Variants in MSMB observed in about 807,000 individuals in gnomAD.
MSMB encodes microseminoprotein beta, also known as beta-microseminoprotein.
MSMB carries 10 observed loss-of-function variants against 10.5 expected under a neutral mutation model. That is an observed-to-expected ratio of 0.95 (90% CI 0.59 to 1.62). The LOEUF (loss-of-function observed/expected upper bound fraction) is 1.62. MSMB is among the 40% of genes most tolerant of loss of function. MSMB has a pLI of 0.00. For missense variants in MSMB, 126 were observed against 137.4 expected, an observed-to-expected ratio of 0.92 and a Z score of 0.42; for synonymous variants, 43 against 46.5, an observed-to-expected ratio of 0.93 and a Z score of 0.30.
At chr10:46,043,750 C>T (rs1840807450) in intron 1 of MSMB, among the ~76,000 whole-genome samples, 1 of 152,144 alleles carries the variant, frequency 6.6e-6, no homozygotes, top group African/African-American at 2.4e-5. Flanking sequence ...TCTTGGCTCA[C>T]TGCAACCTCC....
In MSMB at chr10:46,046,262, A is replaced by AC; in HGVS notation, c.-26dup. On this transcript the variant is annotated 5_prime_UTR_variant, in exon 1 of 4. Coordinates refer to ENST00000582163, the MANE Select transcript of MSMB (RefSeq NM_002443.4). ...TTGTGATAAGCAGGACTCCTTATAG[A>AC]CAGGTACATCCAGGCAAAGCTGCAT... is the stretch of plus-strand genomic sequence containing the variant. 1 of 1,611,828 alleles carries AC rather than the reference A, an allele frequency of 6.2e-7. No homozygotes were observed. The highest frequency in any genetic ancestry group is 8.5e-7 in the Non-Finnish European group (1 of 1,177,910).
chr10:46,045,389 G>A (rs192291114), intron 1 of MSMB, among the ~76,000 whole-genome samples: 9 of 151,966 alleles, frequency 5.9e-5, no homozygotes, highest in African/African-American at 1.9e-4. Context: ...AAAATTAGTC[G>A]GGCATGGTGG....
At chr10:46,043,229 T>C (rs1840792961) in intron 1 of MSMB, among the ~76,000 whole-genome samples, 1 of 152,096 alleles carries the variant, frequency 6.6e-6, no homozygotes, top group Non-Finnish European at 1.5e-5. Context: ...CAGGGCTGCA[T>C]CCCAGGACAA....
At chr10:46,034,751 G>C (rs1210817898) in intron 3 of MSMB, among the ~76,000 whole-genome samples, 3 of 151,696 alleles carry the variant, frequency 2.0e-5, no homozygotes, top group Admixed American at 1.3e-4. Context: ...CGTGAACCCA[G>C]GAGGCGGAGC....
At chr10:46,036,635 T>C (rs547476460) in intron 3 of MSMB, among the ~76,000 whole-genome samples, 150 of 152,258 alleles carry the variant, frequency 9.9e-4, no homozygotes, top group African/African-American at 3.2e-3. Flanking sequence ...TGACTCAGGG[T>C]CACACAGCTA....
chr10:46,043,949 A>G (rs1214991973), intron 1 of MSMB, among the ~76,000 whole-genome samples: 1 of 151,976 alleles, frequency 6.6e-6, no homozygotes, highest in Non-Finnish European at 1.5e-5. Flanking sequence ...TGCTGGGATT[A>G]TGGGCGTGAG....
intron 3 of MSMB, among the ~76,000 whole-genome samples, chr10:46,036,223 C>T (rs1227694600): frequency 6.6e-6 from 1 of 152,196 alleles, no homozygotes; most frequent in African/African-American, 2.4e-5. Flanking sequence ...CCACTGCCAC[C>T]GAGCACCTTG....
chr10:46,040,420 C>T lies in MSMB; in HGVS notation c.4-329G>A, dbSNP rs535492523. Among the ~76,000 whole-genome samples the T allele has an allele frequency of 2.0e-5, 3 of 152,250 alleles. No homozygotes were observed. In the South Asian group the frequency reaches 6.2e-4, roughly 32 times the overall value. On this transcript the variant is annotated intron_variant, in intron 1 of 3. Transcript: ENST00000582163. ...GCTGCACTGGGCCCAACAGACCAAA[C>T]CAAAATGCAGTCGCCCATGCTGAAG...
chr10:46,045,879 T>C (rs1840885445), intron 1 of MSMB, among the ~76,000 whole-genome samples: 1 of 152,180 alleles, frequency 6.6e-6, no homozygotes, highest in African/African-American at 2.4e-5. Context: ...CCAGGCTCAG[T>C]TCCCTCATCT....
chr10:46,039,055 T>C lies in MSMB; in HGVS notation c.126A>G (p.Lys42=). The stretch of plus-strand genomic sequence containing the variant: ...CCGAGTTTATTGGGTGTTTGTTTCC[T>C]TTGAGATCCATGCATTCTAAAATAA... ...GDSTRKCMDL[K]GNKHPINSEW... is the part of the protein sequence containing the mutation. The change falls in exon 3 of 4, where the codon AAA becomes AAG. Residue 42 remains lysine (K), a synonymous_variant. Transcript: ENST00000582163. 1 of 1,614,036 alleles carries C rather than the reference T, an allele frequency of 6.2e-7. No individual in the cohort carries two copies.
At chr10:46,046,166 G>T in intron 1 of MSMB, 69 bp downstream of exon 1, 1 of 1,459,266 alleles carries the variant, frequency 6.9e-7, no homozygotes, top group Admixed American at 1.7e-5. Context: ...AGAAGCACAC[G>T]CATATTAAAA....
intron 2 of MSMB, 91 bp from the exon 3 acceptor site, chr10:46,039,162 C>A (rs1840686018): frequency 2.8e-6 from 3 of 1,083,446 alleles, no homozygotes; most frequent in Non-Finnish European, 4.2e-6. Flanking sequence ...CTATCTACAC[C>A]CCTCCCAGAG....
At chr10:46,038,846 G>A in intron 3 of MSMB, 120 bp downstream of exon 3, 1 of 797,670 alleles carries the variant, frequency 1.3e-6, no homozygotes, top group Non-Finnish European at 2.0e-6. Flanking sequence ...TCTATATAAA[G>A]TCTATAAAAA....
intron 3 of MSMB, among the ~76,000 whole-genome samples, chr10:46,037,609 C>T (rs1840639544): frequency 6.6e-6 from 1 of 152,122 alleles, no homozygotes; most frequent in Admixed American, 6.6e-5. Flanking sequence ...AGCAGTGAAG[C>T]AGCATAAGTT....
intron 3 of MSMB, among the ~76,000 whole-genome samples, chr10:46,038,752 G>A (rs1840672758): frequency 6.6e-6 from 1 of 152,162 alleles, no homozygotes; most frequent in Non-Finnish European, 1.5e-5. Flanking sequence ...TGTTGATAAC[G>A]GGGAGGTCGT....
At chr10:46,043,883 C>T (rs1198753602) in intron 1 of MSMB, among the ~76,000 whole-genome samples, 2 of 151,458 alleles carry the variant, frequency 1.3e-5, no homozygotes, top group African/African-American at 2.4e-5. Flanking sequence ...TCATGTTGGC[C>T]AGGCTGGTCT....
At chr10:46,043,285 G>A (rs1840794245) in intron 1 of MSMB, among the ~76,000 whole-genome samples, 1 of 152,182 alleles carries the variant, frequency 6.6e-6, no homozygotes, top group Non-Finnish European at 1.5e-5. Flanking sequence ...CTAGAGCAGA[G>A]GCAGGAGATT....
At chr10:46,036,059 CAG>C (rs1357355585) in intron 3 of MSMB, among the ~76,000 whole-genome samples, 1 of 152,146 alleles carries the variant, frequency 6.6e-6, no homozygotes, top group African/African-American at 2.4e-5. Context: ...TTCAGCTAAC[CAG>C]AGTCAGTGGC....
intron 2 of MSMB, among the ~76,000 whole-genome samples, chr10:46,039,611 G>C (rs1262124268): frequency 1.3e-5 from 2 of 152,240 alleles, no homozygotes; most frequent in African/African-American, 4.8e-5. Context: ...GCCAGGCACA[G>C]TGGCTCACAC....
Sources: allele counts gnomAD v4.1 joint callset (sites outside exome capture counted in the v4.1 genomes callset), GRCh38; gene constraint gnomAD v4.1.1; transcripts MANE v1.5; gene names NCBI Gene and HGNC (gene_info 2026-07-23, HGNC 2026-07-21).